OXCT1: variants seen among roughly 807,000 people sequenced by gnomAD.
The protein encoded by OXCT1 is 3-oxoacid CoA-transferase 1, also known as succinyl-CoA:3-ketoacid coenzyme A transferase 1, mitochondrial.
Under a neutral mutation model 69.6 loss-of-function variants are expected in OXCT1, and 27 were observed. The observed-to-expected ratio is 0.39, with a 90% CI of 0.29 to 0.54. The LOEUF is 0.54. Among genes scored for constraint, OXCT1 ranks in the 20% least tolerant of loss-of-function variants. OXCT1 has a pLI of 0.72. For missense variants in OXCT1, 437 were observed against 650.2 expected (o/e 0.67, Z 3.57); for synonymous variants, 202 against 217.8 (o/e 0.93, Z 0.64).
intron 3 of OXCT1, among the ~76,000 whole-genome samples, chr5:41,854,473 C>T (rs985974306): frequency 3.9e-5 from 6 of 151,968 alleles, no homozygotes; most frequent in African/African-American, 1.5e-4. Flanking sequence ...TTTCAGTCAC[C>T]TTAAAGACTG....
chr5:41,787,537 G>C (rs1745698037), intron 13 of OXCT1, among the ~76,000 whole-genome samples: 1 of 149,182 alleles, frequency 6.7e-6, no homozygotes, highest in South Asian at 2.1e-4. Flanking sequence ...GATTTGCAGA[G>C]GAAGAAGGTC....
intron 15 of OXCT1, among the ~76,000 whole-genome samples, chr5:41,747,092 T>C (rs970576307): frequency 6.6e-6 from 1 of 152,102 alleles, no homozygotes; most frequent in Non-Finnish European, 1.5e-5. Flanking sequence ...ATTTATTGTG[T>C]CCCCAGCCTT....
intron 7 of OXCT1, among the ~76,000 whole-genome samples, chr5:41,821,422 A>G (rs1747542313): frequency 1.3e-5 from 2 of 152,260 alleles, no homozygotes. Context: ...AAAATAGGCA[A>G]TTTATTAATC....
intron 8 of OXCT1, 135 bp from the exon 9 acceptor site, chr5:41,805,816 A>G (rs556476280): frequency 4.4e-6 from 3 of 679,170 alleles, no homozygotes; most frequent in Admixed American, 2.2e-5. Flanking sequence ...TATACCAGAT[A>G]TTTAAAAAAT....
intron 13 of OXCT1, among the ~76,000 whole-genome samples, chr5:41,792,494 G>C (rs1314889419): frequency 6.6e-6 from 1 of 152,028 alleles, no homozygotes; most frequent in Non-Finnish European, 1.5e-5. Flanking sequence ...TAAAACCCAG[G>C]GCTTGCTTTC....
intron 11 of OXCT1, among the ~76,000 whole-genome samples, chr5:41,799,659 C>T (rs1746338990): frequency 6.6e-6 from 1 of 152,184 alleles, no homozygotes; most frequent in African/African-American, 2.4e-5. Context: ...TCACTAACAT[C>T]ATAAATTAAT....
intron 6 of OXCT1, among the ~76,000 whole-genome samples, chr5:41,842,117 A>G (rs1748654246): frequency 6.6e-6 from 1 of 152,228 alleles, no homozygotes; most frequent in Admixed American, 6.5e-5. Flanking sequence ...TAGTATGCTT[A>G]GAATAACCAA....
intron 14 of OXCT1, among the ~76,000 whole-genome samples, chr5:41,760,009 G>A (rs1383203073): frequency 6.6e-6 from 1 of 152,118 alleles, no homozygotes; most frequent in African/African-American, 2.4e-5. Flanking sequence ...TAAAAGAACA[G>A]ATTCTTAACT....
rs568827750 is a variant in OXCT1, at chr5:41,730,113, T to C, written c.*1616A>G. On this transcript the variant is annotated 3_prime_UTR_variant, in exon 17 of 17. Coordinates refer to ENST00000196371, the MANE Select transcript of OXCT1 (RefSeq NM_000436.4). ...GTATTCCTTAATGCATTTCTTAACA[T>C]GTATAGCACTCTTCAATCAAGAATA... The C allele has an allele frequency of 2.0e-5, 3 of 152,202 alleles. No homozygotes were observed. The highest frequency in any genetic ancestry group is 2.9e-5 in the Non-Finnish European group (2 of 68,032). 9.4% of individuals were successfully genotyped at this position (152,202 alleles called of 1,614,324 possible). A position where few individuals can be genotyped will look rare whatever the true frequency, so the allele number is the denominator to read the frequency against.
rs140589407 is a variant in OXCT1 at position 41,804,948 on chromosome 5, GT to G, written c.955+618del. On this transcript the variant is annotated intron_variant, in intron 9 of 16. Coordinates refer to ENST00000196371, the MANE Select transcript of OXCT1 (RefSeq NM_000436.4). ...TGTATTATATAATTCAATGTCTACT[GT>G]AGTGAAAACTAGCAAAATGGTGAAC... Among the ~76,000 whole-genome samples the G allele has an allele frequency of 5.6e-3, 846 of 152,150 alleles. 2 individuals are homozygous for G. The highest frequency in any genetic ancestry group is 0.012 in the South Asian group (58 of 4,822).
intron 5 of OXCT1, among the ~76,000 whole-genome samples, chr5:41,848,981 A>G (rs935671430): frequency 6.6e-6 from 1 of 152,224 alleles, no homozygotes; most frequent in East Asian, 1.9e-4. Flanking sequence ...AGAAACTACC[A>G]TCAGAGTGAA....
At chr5:41,806,406 T>C (rs1746683308) in intron 8 of OXCT1, among the ~76,000 whole-genome samples, 1 of 152,072 alleles carries the variant, frequency 6.6e-6, no homozygotes, top group South Asian at 2.1e-4. Context: ...GGCCATTGTC[T>C]ACTCTCACTG....
At chr5:41,748,488 G>A (rs1743615872) in intron 15 of OXCT1, among the ~76,000 whole-genome samples, 1 of 152,062 alleles carries the variant, frequency 6.6e-6, no homozygotes. Context: ...AACAATCCCT[G>A]TTCATAGTTT....
chr5:41,845,998 A>T (rs1234150550), intron 5 of OXCT1, among the ~76,000 whole-genome samples: 2 of 152,152 alleles, frequency 1.3e-5, no homozygotes, highest in African/African-American at 4.8e-5. Context: ...CATTTTTATA[A>T]CACCAGCTTA....
chr5:41,836,792 G>A (rs149688910), intron 7 of OXCT1, among the ~76,000 whole-genome samples: 18 of 152,200 alleles, frequency 1.2e-4, no homozygotes, highest in African/African-American at 3.9e-4. Flanking sequence ...CCCACTGTGC[G>A]GCCCAGTTCC....
At chr5:41,741,271 T>C in intron 15 of OXCT1, among the ~76,000 whole-genome samples, 1 of 152,082 alleles carries the variant, frequency 6.6e-6, no homozygotes, top group Non-Finnish European at 1.5e-5. Context: ...TTCAATTGGC[T>C]TGGAAGTCAA....
intron 16 of OXCT1, among the ~76,000 whole-genome samples, chr5:41,733,449 G>A (rs1471596051): frequency 6.6e-6 from 1 of 151,234 alleles, no homozygotes; most frequent in African/African-American, 2.5e-5. Flanking sequence ...GTTTCTCCAT[G>A]TTGGTAAGGC....
intron 13 of OXCT1, among the ~76,000 whole-genome samples, chr5:41,777,045 A>G (rs1479586531): frequency 6.6e-6 from 1 of 152,204 alleles, no homozygotes; most frequent in Non-Finnish European, 1.5e-5. Flanking sequence ...CATACTGAAC[A>G]TATTTTAATC....
rs368841359 is a variant in OXCT1, at chr5:41,840,506, C to T, written c.677G>A (p.Ser226Asn). 3 of 1,612,112 alleles carry T rather than the reference C, an allele frequency of 1.9e-6. No homozygotes were observed. Among genetic ancestry groups the T allele is most frequent in the Non-Finnish European group, 1.7e-6 (2 of 1,178,586 alleles). Reference sequence around the variant, plus strand: ...CATTGGCAAGTTGAAATTCCTTGCACTTTTCCTACAGGGGTGGAGGAGATA... The same window carrying T: ...CATTGGCAAGTTGAAATTCCTTGCATTTTTCCTACAGGGGTGGAGGAGATA... ...DRAGNVIFRK[S>N]ARNFNLPMCK... The change falls in exon 7 of 17, where the codon AGT becomes AAT. Residue 226 changes from serine (S) to asparagine (N), a missense_variant. Physicochemically the swap from Ser to Asn is conservative, Grantham distance 46 (BLOSUM62 1). Around this residue, in one of 4 missense-constraint regions of OXCT1, gnomAD observed 252 missense variants for 397.4 expected, o/e 0.63. Coordinates refer to ENST00000196371, the MANE Select transcript of OXCT1 (RefSeq NM_000436.4).
Sources: gnomAD v4.1 joint callset for allele counts (sites outside exome capture counted in the v4.1 genomes callset) on GRCh38, gnomAD v4.1.1 for gene constraint, gnomAD v4.1.1 regional missense constraint, MANE v1.5 for transcripts, NCBI Gene and HGNC (gene_info 2026-07-23, HGNC 2026-07-21) for gene names.